Variants in RGS3 observed in about 807,000 individuals in gnomAD.
RGS3 encodes the protein regulator of G-protein signalling 3.
RGS3 carries 80 observed loss-of-function variants against 132.6 expected under a neutral mutation model. That is an observed-to-expected ratio of 0.60 (90% CI 0.50 to 0.73). The LOEUF (loss-of-function observed/expected upper bound fraction) is 0.73. Ranked by LOEUF, RGS3 falls within the 30% of genes least tolerant of loss-of-function variation. The pLI, the probability that RGS3 is intolerant of heterozygous loss-of-function variation, is 0.00. For synonymous variants in RGS3, 598 were observed against 620.6 expected, an observed-to-expected ratio of 0.96 and a Z score of 0.54; for missense variants, 1,382 against 1,530.8, an observed-to-expected ratio of 0.90 and a Z score of 1.62.
chr9:113,549,589 A>G (rs1456357432), intron 19 of RGS3, among the ~76,000 whole-genome samples: 2 of 152,224 alleles, frequency 1.3e-5, no homozygotes, highest in Non-Finnish European at 2.9e-5. Context: ...CCCAGCACCC[A>G]GAGATAAACC....
chr9:113,562,268 G>A (rs1833821960), intron 19 of RGS3, among the ~76,000 whole-genome samples: 1 of 152,146 alleles, frequency 6.6e-6, no homozygotes, highest in Non-Finnish European at 1.5e-5. Context: ...TTGAGGCCAG[G>A]AGTTCAAGAT....
chr9:113,540,042 T>C (rs1193443018), intron 19 of RGS3, among the ~76,000 whole-genome samples: 1 of 152,082 alleles, frequency 6.6e-6, no homozygotes, highest in Non-Finnish European at 1.5e-5. Flanking sequence ...ATCCATTTTT[T>C]GTAGAAATAA....
chr9:113,564,420 C>T (rs1833907363), intron 19 of RGS3, among the ~76,000 whole-genome samples: 1 of 152,222 alleles, frequency 6.6e-6, no homozygotes, highest in Non-Finnish European at 1.5e-5. Flanking sequence ...TCAGAGAATC[C>T]TCTATTCATC....
At chr9:113,461,965 T>C in intron 2 of RGS3, 1 of 1,598,830 alleles carries the variant, frequency 6.3e-7, no homozygotes, top group Non-Finnish European at 8.5e-7. Context: ...TGAACACACC[T>C]TGCATGGAGC....
rs909920854 is a variant in RGS3 at position 113,579,347 on chromosome 9, A to G, written c.2038-4103A>G. Among the ~76,000 whole-genome samples, 2 of 152,172 alleles carry G rather than the reference A, an allele frequency of 1.3e-5. No homozygotes were observed. Among genetic ancestry groups the G allele is most frequent in the Admixed American group, 1.3e-4 (2 of 15,282 alleles). ...CATAGCTGCCATCCCTCCTTAGCCTATTCTGAGCTCTGGATTGGATTTGGG... is the reference window on the plus strand; with the variant it reads ...CATAGCTGCCATCCCTCCTTAGCCTGTTCTGAGCTCTGGATTGGATTTGGG... On this transcript the variant is annotated intron_variant, in intron 19 of 24. Transcript: ENST00000350696. This position sits in a 1 kb window ranked among gnomAD's most constrained non-coding sequence, Gnocchi z 4.3.
chr9:113,456,938 T>C (rs182471643), upstream of RGS3, among the ~76,000 whole-genome samples: 12 of 152,320 alleles, frequency 7.9e-5, no homozygotes, highest in East Asian at 2.3e-3. Context: ...TAGCTGGGAT[T>C]ACAGGCATGC....
chr9:113,531,972 C>T (rs1382353021), intron 18 of RGS3, among the ~76,000 whole-genome samples: 5 of 152,160 alleles, frequency 3.3e-5, no homozygotes, highest in African/African-American at 7.2e-5. Context: ...AAGGCAAGAG[C>T]GGGATTTTAA....
At chr9:113,583,904 A>G in exon 20 of RGS3, 1 of 1,614,060 alleles carries the variant, frequency 6.2e-7, no homozygotes, top group Non-Finnish European at 8.5e-7. Flanking sequence ...GCCCTTACTG[A>G]GGACACCATG....
At position 113,547,691 on chromosome 9, in the gene RGS3, C is replaced by T. The variant is rs546968064; in HGVS notation, c.2037+10773C>T. ...GTCCAAGCCATCAGGCTAATTTCCGCGTGGAATTTGTGGTCACTGGTTTGC... is the reference window on the plus strand; with the variant it reads ...GTCCAAGCCATCAGGCTAATTTCCGTGTGGAATTTGTGGTCACTGGTTTGC... On this transcript the variant is annotated intron_variant, in intron 19 of 24. Transcript: ENST00000350696. Among the ~76,000 whole-genome samples, 9 of 152,290 alleles carry T rather than the reference C, an allele frequency of 5.9e-5. 1 individual carries two copies. Among genetic ancestry groups the T allele is most frequent in the African/African-American group, 1.7e-4 (7 of 41,558 alleles).
chr9:113,510,166 G>T (rs984870785), intron 14 of RGS3, among the ~76,000 whole-genome samples: 6 of 151,722 alleles, frequency 4.0e-5, no homozygotes, highest in African/African-American at 1.2e-4. Context: ...TAGCTCCCAT[G>T]TATCGTTGAG....
At chr9:113,533,233 G>GTC (rs1554771346) in intron 18 of RGS3, among the ~76,000 whole-genome samples, 1 of 139,630 alleles carries the variant, frequency 7.2e-6, no homozygotes, top group African/African-American at 2.6e-5. Context: ...GGAAAATTCT[G>GTC]TTTTTTTTTT....
At chr9:113,445,999 C>A (rs1240383552) in intron 1 of RGS3, among the ~76,000 whole-genome samples, 1 of 152,112 alleles carries the variant, frequency 6.6e-6, no homozygotes, top group East Asian at 1.9e-4. Flanking sequence ...TTATAGAAAA[C>A]CCCTTGGGTT....
In RGS3 at chr9:113,463,300, C is replaced by T. The variant is rs1444958040; in HGVS notation, c.415+1099C>T. ...AAGCGCAGAGAACACTTTTCCAAACCTCACTGCCCTGGGCCATCGGGTGCT... is the reference window on the plus strand; with the variant it reads ...AAGCGCAGAGAACACTTTTCCAAACTTCACTGCCCTGGGCCATCGGGTGCT... On this transcript the variant is annotated intron_variant, in intron 3 of 24. Transcript: ENST00000350696. The surrounding 1 kb of genome is among the most constrained non-coding windows in gnomAD (Gnocchi z 4.6). Among the ~76,000 whole-genome samples, 42 of 152,354 alleles carry T rather than the reference C, an allele frequency of 2.8e-4. No individual in the cohort carries two copies. Among genetic ancestry groups the T allele is most frequent in the South Asian group, 2.1e-4 (1 of 4,828 alleles).
intron 23 of RGS3, 53 bp downstream of exon 21, chr9:113,595,033 GC>G: frequency 6.6e-7 from 1 of 1,525,358 alleles, no homozygotes; most frequent in East Asian, 2.3e-5. Flanking sequence ...TCTCCCCTTC[GC>G]CCCCATCCAG....
At chr9:113,461,978 C>A (rs772979230) in intron 2 of RGS3, 1 of 1,603,824 alleles carries the variant, frequency 6.2e-7, no homozygotes, top group Non-Finnish European at 8.5e-7. Flanking sequence ...CATGGAGCAT[C>A]TTCAGGCCAT....
chr9:113,477,436 C>T (rs1397917524), intron 3 of RGS3, among the ~76,000 whole-genome samples: 2 of 152,128 alleles, frequency 1.3e-5, no homozygotes, highest in Non-Finnish European at 2.9e-5. Flanking sequence ...GTATGAGGGT[C>T]AAGTGATGTC....
intron 19 of RGS3, among the ~76,000 whole-genome samples, chr9:113,557,854 C>T (rs1158837120): frequency 3.3e-5 from 5 of 151,960 alleles, no homozygotes; most frequent in African/African-American, 4.8e-5. Flanking sequence ...GGTGGGAAGA[C>T]GAGGAAGGGG....
chr9:113,514,898 C>T lies in RGS3; in HGVS notation c.1674+244C>T, dbSNP rs145139992. ...TAAGGAAAGGGTCCTCTCCTTCCCCCACCTCGCCTCCCCTTTCTCTGGGGA... is the reference window on the plus strand; with the variant it reads ...TAAGGAAAGGGTCCTCTCCTTCCCCTACCTCGCCTCCCCTTTCTCTGGGGA... On this transcript the variant is annotated intron_variant, in intron 15 of 24. Coordinates refer to ENST00000350696, the Ensembl canonical transcript of RGS3. Among the ~76,000 whole-genome samples the T allele has an allele frequency of 6.9e-3, 1,058 of 152,274 alleles. 11 individuals carry two copies. Among genetic ancestry groups the T allele is most frequent in the Non-Finnish European group, 0.012 (846 of 68,008 alleles).
chr9:113,520,203 G>A (rs975751416), intron 16 of RGS3, among the ~76,000 whole-genome samples: 3 of 152,234 alleles, frequency 2.0e-5, no homozygotes, highest in Non-Finnish European at 2.9e-5. Context: ...TGTGGAAGGC[G>A]ACAGGTGATT....
Sources: gnomAD v4.1 joint callset for allele counts (sites outside exome capture counted in the v4.1 genomes callset) on GRCh38, gnomAD v4.1.1 for gene constraint, Gnocchi (gnomAD v3.1) non-coding constraint, MANE v1.5 for transcripts, NCBI Gene and HGNC (gene_info 2026-07-23, HGNC 2026-07-21) for gene names.